HECW2: variants seen among roughly 807,000 people sequenced by gnomAD.
HECW2 encodes the protein HECT, C2 and WW domain containing E3 ubiquitin protein ligase 2.
Under a neutral mutation model 175.2 loss-of-function variants are expected in HECW2, and 61 were observed. The ratio of observed to expected loss-of-function variants is 0.35; its 90% CI spans 0.28 to 0.43. HECW2 has a LOEUF of 0.43. Among genes scored for constraint, HECW2 ranks in the 20% least tolerant of loss-of-function variants. The pLI is 1.00. For missense variants in HECW2, 1,524 were observed against 2,000.5 expected, an observed-to-expected ratio of 0.76 and a Z score of 4.54; for synonymous variants, 671 against 731.0, an observed-to-expected ratio of 0.92 and a Z score of 1.32.
Position 196,195,882 on chromosome 2 carries a change from G to GT in HECW2, c.*5394dup, listed in dbSNP as rs1686669036. On this transcript the variant is annotated 3_prime_UTR_variant, in exon 29 of 29. Coordinates refer to ENST00000644978, the MANE Select transcript of HECW2 (RefSeq NM_001348768.2). ...AATTCCACTTTGCAATACAGAAAAT[G>GT]TTAAATTACTGAAGTTATAAAATGA... 1 of 152,116 alleles carries GT rather than the reference G, an allele frequency of 6.6e-6. No homozygotes were observed. Among genetic ancestry groups the GT allele is most frequent in the Admixed American group, 6.5e-5 (1 of 15,268 alleles). The allele number at this position is 152,116 out of a possible 1,614,324, so 9.4% of individuals were successfully genotyped here. A position where few individuals can be genotyped will look rare whatever the true frequency, so the allele number is the denominator to read the frequency against.
intron 2 of HECW2, among the ~76,000 whole-genome samples, chr2:196,409,925 A>C (rs1220185494): frequency 6.6e-6 from 1 of 152,200 alleles, no homozygotes; most frequent in Non-Finnish European, 1.5e-5. Flanking sequence ...AAAACCTGGC[A>C]CAAGAATCAT....
intron 1 of HECW2, among the ~76,000 whole-genome samples, chr2:196,444,869 T>G (rs1696139543): frequency 6.6e-6 from 1 of 152,104 alleles, no homozygotes; most frequent in African/African-American, 2.4e-5. Context: ...GAGGGTGGAT[T>G]TTTTTTCCCT....
chr2:196,299,861 G>A (rs1690971231), intron 13 of HECW2, among the ~76,000 whole-genome samples: 1 of 152,008 alleles, frequency 6.6e-6, no homozygotes, highest in African/African-American at 2.4e-5. Flanking sequence ...CCCAGGAGGT[G>A]GAGCTTGCAG....
At chr2:196,225,938 C>A in intron 22 of HECW2, 68 bp from the exon 23 acceptor site, 1 of 954,590 alleles carries the variant, frequency 1.0e-6, no homozygotes, top group South Asian at 1.3e-5. Context: ...CATATGCTTT[C>A]TAGAATGCCT....
chr2:196,242,443 T>G (rs13416009), intron 19 of HECW2: 5,723 of 486,094 alleles, frequency 0.012, 226 homozygotes, highest in African/African-American at 0.095. Context: ...GTTACAATGG[T>G]GCCCATGTGT....
At chr2:196,324,137 A>T (rs1387962566) in intron 6 of HECW2, among the ~76,000 whole-genome samples, 1 of 152,084 alleles carries the variant, frequency 6.6e-6, no homozygotes, top group East Asian at 1.9e-4. Flanking sequence ...TATTGTTAGA[A>T]CATATTGTTG....
At chr2:196,403,816 G>T (rs1157779336) in intron 2 of HECW2, among the ~76,000 whole-genome samples, 1 of 152,108 alleles carries the variant, frequency 6.6e-6, no homozygotes, top group Non-Finnish European at 1.5e-5. Context: ...TAACAAAAAA[G>T]AACATGTCTG....
chr2:196,349,196 T>C (rs1296969655), intron 2 of HECW2, among the ~76,000 whole-genome samples: 2 of 152,240 alleles, frequency 1.3e-5, no homozygotes, highest in Non-Finnish European at 2.9e-5. Flanking sequence ...TTTGTCTTTG[T>C]TCTTTGACTA....
intron 1 of HECW2, among the ~76,000 whole-genome samples, chr2:196,466,755 A>G (rs1001176766): frequency 6.6e-6 from 1 of 152,250 alleles, no homozygotes; most frequent in African/African-American, 2.4e-5. Flanking sequence ...GAATAGGCAG[A>G]AAAATGGGTA....
chr2:196,253,417 A>T (rs1982500), intron 19 of HECW2, among the ~76,000 whole-genome samples: 8,953 of 152,270 alleles, frequency 0.059, 891 homozygotes, highest in African/African-American at 0.2. Context: ...ATCTCTTTCA[A>T]AAAGAGATTG....
chr2:196,390,563 A>G (rs930221562), intron 2 of HECW2, among the ~76,000 whole-genome samples: 6 of 152,172 alleles, frequency 3.9e-5, no homozygotes, highest in Non-Finnish European at 8.8e-5. Flanking sequence ...GCTCACCTGA[A>G]AAACACAAAT....
intron 10 of HECW2, 27 bp downstream of exon 10, chr2:196,317,247 G>A (rs772354535): frequency 2.6e-6 from 4 of 1,522,022 alleles, no homozygotes; most frequent in Non-Finnish European, 3.6e-6. Context: ...TGATTAAGGT[G>A]GGCCCTTTTA....
In HECW2 at chr2:196,240,574, G is replaced by A. The variant is rs371020934; in HGVS notation, c.3651-12C>T. The A allele has an allele frequency of 7.6e-6, 12 of 1,573,698 alleles. No individual in the cohort carries two copies. The African/African-American group carries it at 1.4e-4, about 18-fold the overall frequency. ...TTCGGATAATTAACCTGTCCATAAA[G>A]AGACAATTTAGAAAATACAAATTAT... On this transcript the variant is annotated splice_polypyrimidine_tract_variant and intron_variant, in intron 20 of 28. Transcript: ENST00000644978.
intron 14 of HECW2, chr2:196,290,720 T>C (rs948642935): frequency 3.9e-5 from 6 of 152,192 alleles, no homozygotes; most frequent in Non-Finnish European, 8.8e-5. Flanking sequence ...AATGGAATAT[T>C]TACAGGCACT....
intron 1 of HECW2, 106 bp from the exon 2 acceptor site, chr2:196,433,564 G>T: frequency 1.3e-6 from 1 of 758,138 alleles, no homozygotes; most frequent in Non-Finnish European, 2.1e-6. Flanking sequence ...GCCTGATCAT[G>T]CAATAATCTT....
At position 196,344,322 on chromosome 2, in the gene HECW2, GAAAA is replaced by G. The variant is rs60573890; in HGVS notation, c.293-562_293-559del. On this transcript the variant is annotated intron_variant, in intron 2 of 28. Coordinates refer to ENST00000644978, the MANE Select transcript of HECW2 (RefSeq NM_001348768.2). ...AGGCATAGACCTTGAGACAAGATAAGAAAAAAAAAAAAAAAAAAAAAAGAGTCTC... is the reference window on the plus strand; with the variant it reads ...AGGCATAGACCTTGAGACAAGATAAGAAAAAAAAAAAAAAAAAAGAGTCTC... Among the ~76,000 whole-genome samples the G allele has an allele frequency of 8.9e-5, 6 of 67,636 alleles. No homozygotes were observed. The South Asian group carries it at 3.4e-3, about 38-fold the overall frequency. The allele number at this position is 67,636 out of a possible 152,430, so 44.4% of individuals were successfully genotyped here. A position where few individuals can be genotyped will look rare whatever the true frequency, so the allele number is the denominator to read the frequency against.
chr2:196,533,000 T>G (rs573758748), intron 1 of HECW2, among the ~76,000 whole-genome samples: 6 of 152,220 alleles, frequency 3.9e-5, no homozygotes, highest in Non-Finnish European at 8.8e-5. Flanking sequence ...TTTCTTCAGC[T>G]ATCATATTAA....
At chr2:196,486,442 A>AC (rs1005599321) in intron 1 of HECW2, among the ~76,000 whole-genome samples, 5 of 151,846 alleles carry the variant, frequency 3.3e-5, no homozygotes, top group African/African-American at 9.7e-5. Flanking sequence ...TACAGATGCA[A>AC]CCCCCCTGGG....
At chr2:196,530,614 G>A (rs528939037) in intron 1 of HECW2, among the ~76,000 whole-genome samples, 7 of 152,088 alleles carry the variant, frequency 4.6e-5, no homozygotes, top group Admixed American at 2.0e-4. Context: ...CCTTAACATG[G>A]TTTAGTGAGC....
Sources: allele counts gnomAD v4.1 joint callset (sites outside exome capture counted in the v4.1 genomes callset), GRCh38; gene constraint gnomAD v4.1.1; transcripts MANE v1.5; gene names NCBI Gene and HGNC (gene_info 2026-07-23, HGNC 2026-07-21).